Variants in LMOD3 observed in about 807,000 individuals in gnomAD.
LMOD3 encodes the protein leiomodin-3.
A neutral mutation model predicts 41.8 loss-of-function variants in LMOD3; 31 were observed. That is an observed-to-expected ratio of 0.74 (90% CI 0.56 to 1.00). LMOD3 has a LOEUF of 1.00. Among genes scored for constraint, LMOD3 ranks in the 50% least tolerant of loss-of-function variants. The pLI, the probability that LMOD3 is intolerant of heterozygous loss-of-function variation, is 0.00. For synonymous variants in LMOD3, 292 were observed against 241.9 expected (o/e 1.21, Z -1.92); for missense variants, 755 against 679.5 (o/e 1.11, Z -1.23).
intron 2 of LMOD3, among the ~76,000 whole-genome samples, chr3:69,116,423 T>C (rs940487865): frequency 2.6e-5 from 4 of 152,204 alleles, no homozygotes; most frequent in Non-Finnish European, 4.4e-5. Context: ...ATATGCAAGA[T>C]TGTCATTCAA....
chr3:69,117,356 C>T (rs1477314923), intron 2 of LMOD3, among the ~76,000 whole-genome samples: 1 of 151,950 alleles, frequency 6.6e-6, no homozygotes, highest in Non-Finnish European at 1.5e-5. Context: ...CTCTTTAAAG[C>T]AGAAAAAGAG....
At position 69,119,884 on chromosome 3, in the gene LMOD3, G is replaced by A. The variant is rs568706767; in HGVS notation, c.471C>T (p.Asp157=). Residue 157 remains aspartate, a synonymous_variant, in exon 2 of 3, where the codon GAC becomes GAT. Coordinates refer to ENST00000420581, the MANE Select transcript of LMOD3 (RefSeq NM_198271.5). ...DEEEEDDDDD[D]EGEDDGEESE... ...TCTCTTCACCATCATCTTCTCCTTC[G>A]TCGTCATCATCATCATCTTCTTCTT... is the stretch of plus-strand genomic sequence containing the variant. 20 of 1,548,382 alleles carry A rather than the reference G, an allele frequency of 1.3e-5. No individual in the cohort carries two copies. Among genetic ancestry groups the A allele is most frequent in the East Asian group, 1.2e-4 (5 of 41,270 alleles).
At chr3:69,110,896 CA>C (rs1022018094) in intron 2 of LMOD3, among the ~76,000 whole-genome samples, 7 of 129,836 alleles carry the variant, frequency 5.4e-5, no homozygotes, top group African/African-American at 9.0e-5. Flanking sequence ...TCCCCCAAGA[CA>C]AAAAAAAATT....
chr3:69,115,066 C>T (rs2092365325), intron 2 of LMOD3, among the ~76,000 whole-genome samples: 1 of 152,144 alleles, frequency 6.6e-6, no homozygotes, highest in South Asian at 2.1e-4. Context: ...CAGGATCTCA[C>T]TTTGTTTTGT....
chr3:69,112,397 C>T (rs1390551027), intron 2 of LMOD3, among the ~76,000 whole-genome samples: 1 of 152,220 alleles, frequency 6.6e-6, no homozygotes, highest in Non-Finnish European at 1.5e-5. Context: ...CTTTGAAGAA[C>T]TCAGAATCCT....
rs773731706 is a variant in LMOD3, at chr3:69,119,403, C to A, written c.952G>T (p.Glu318Ter). 8 of 1,613,948 alleles carry A rather than the reference C, an allele frequency of 5.0e-6. No individual in the cohort carries two copies. The highest frequency in any genetic ancestry group is 6.8e-6 in the Non-Finnish European group (8 of 1,179,890). Residue 318 changes from glutamate (E) to a stop codon, truncating the protein, a stop_gained, in exon 2 of 3, where the codon GAG becomes TAG. Transcript: ENST00000420581. LOFTEE classifies it high-confidence loss of function. The part of the protein sequence containing the change: ...ENRSITTLNI[E>*]SNFITGKGIV... ...CCTTTACCTGTGATGAAATTGGACT[C>A]GATGTTGAGAGTGGTGATGCTTCTA...
At chr3:69,112,205 G>A (rs529517570) in intron 2 of LMOD3, among the ~76,000 whole-genome samples, 1 of 151,586 alleles carries the variant, frequency 6.6e-6, no homozygotes, top group Admixed American at 6.6e-5. Flanking sequence ...TAGTGTGCTT[G>A]TGTGTGTGTG....
intron 2 of LMOD3, among the ~76,000 whole-genome samples, chr3:69,112,275 G>A (rs541557160): frequency 4.6e-5 from 7 of 152,284 alleles, no homozygotes; most frequent in African/African-American, 7.2e-5. Flanking sequence ...GAGGCAGAGC[G>A]GGTGGGAAAG....
At chr3:69,118,676 C>T in intron 2 of LMOD3, 23 bp downstream of exon 2, 1 of 1,596,472 alleles carries the variant, frequency 6.3e-7, no homozygotes. Flanking sequence ...GCTCAGTCAC[C>T]ATTTCTCCCT....
rs376837225 is a variant in LMOD3 at position 69,116,755 on chromosome 3, G to C, written c.1656+1944C>G. On this transcript the variant is annotated intron_variant, in intron 2 of 2. Coordinates refer to ENST00000420581, the MANE Select transcript of LMOD3 (RefSeq NM_198271.5). ...ACTATATCCCCAATCCTTCTCATCT[G>C]CCTGACATATATATTTGTTAGATTA... Among the ~76,000 whole-genome samples, 58 of 152,194 alleles carry C rather than the reference G, an allele frequency of 3.8e-4. No individual in the cohort carries two copies. In the East Asian group the frequency reaches 7.2e-3, roughly 19 times the overall value.
At chr3:69,113,841 T>G (rs2092359919) in intron 2 of LMOD3, among the ~76,000 whole-genome samples, 1 of 152,206 alleles carries the variant, frequency 6.6e-6, no homozygotes, top group African/African-American at 2.4e-5. Context: ...CACAAGATTT[T>G]TGAAGATGAA....
rs752238157 is a variant in LMOD3 at position 69,119,887 on chromosome 3, G to GTCA, written c.465_467dup (p.Asp157dup). On this transcript the variant is annotated inframe_insertion, in exon 2 of 3. Transcript: ENST00000420581. ...CTTCACCATCATCTTCTCCTTCGTC[G>GTCA]TCATCATCATCATCTTCTTCTTCTT... is the stretch of plus-strand genomic sequence containing the variant. The GTCA allele has an allele frequency of 6.5e-6, 10 of 1,546,358 alleles. No homozygotes were observed. The highest frequency in any genetic ancestry group is 2.7e-5 in the African/African-American group (2 of 72,874).
intron 2 of LMOD3, among the ~76,000 whole-genome samples, chr3:69,112,592 C>G (rs2092354930): frequency 6.6e-6 from 1 of 152,100 alleles, no homozygotes; most frequent in South Asian, 2.1e-4. Flanking sequence ...TAGATTCTAA[C>G]AGAGATAGAA....
At chr3:69,111,145 C>T (rs1028484581) in intron 2 of LMOD3, among the ~76,000 whole-genome samples, 2 of 152,078 alleles carry the variant, frequency 1.3e-5, no homozygotes, top group Admixed American at 1.3e-4. Flanking sequence ...TGCTAATGTC[C>T]ACCTGCCAGT....
chr3:69,122,254 CAG>C lies in LMOD3; in HGVS notation c.131_132del (p.Pro44ArgfsTer15), dbSNP rs1300427865. ...ATCATTCCCACGGGAAGGCTGGGGT[CAG>C]GGGCCATGACTTCCATTTCCGACTG... Reference protein sequence around the residue: ...ELQSEMEVMAPDPSLPVGMIQ... With the variant: ...ELQSEMEVMAXDPSLPVGMIQ... On this transcript the variant is annotated frameshift_variant, in exon 1 of 3. Coordinates refer to ENST00000420581, the MANE Select transcript of LMOD3 (RefSeq NM_198271.5). LOFTEE classifies it high-confidence loss of function. 5.6e-6 allele frequency: 9 copies of C among 1,613,512 alleles called. No homozygotes were observed. Among genetic ancestry groups the C allele is most frequent in the Non-Finnish European group, 7.6e-6 (9 of 1,179,786 alleles).
Position 69,119,212 on chromosome 3 carries a change from A to C in LMOD3, c.1143T>G (p.Gly381=), listed in dbSNP as rs770422369. Residue 381 remains glycine (G), a synonymous_variant, in exon 2 of 3, where the codon GGT becomes GGG. Transcript: ENST00000420581. The part of the protein sequence containing the change: ...LKMGYHFELP[G]PRMVVTNLLT... ...GCAGATTAGTGACCACCATTCTGGG[A>C]CCCGGAAGCTCAAAATGGTAGCCCA... The C allele has an allele frequency of 1.9e-6, 3 of 1,613,838 alleles. No individual in the cohort carries two copies. The East Asian group carries it at 6.7e-5, about 36-fold the overall frequency.
chr3:69,111,538 T>G (rs1201326681), intron 2 of LMOD3, among the ~76,000 whole-genome samples: 1 of 152,264 alleles, frequency 6.6e-6, no homozygotes, highest in Non-Finnish European at 1.5e-5. Flanking sequence ...TGTTTATATA[T>G]GCATGGAAGA....
At chr3:69,116,456 G>C (rs899051037) in intron 2 of LMOD3, among the ~76,000 whole-genome samples, 3 of 152,176 alleles carry the variant, frequency 2.0e-5, no homozygotes, top group African/African-American at 7.2e-5. Flanking sequence ...AGTTCACTTT[G>C]CGGCATGTTT....
chr3:69,121,812 G>A (rs188027870), intron 1 of LMOD3, among the ~76,000 whole-genome samples: 5 of 152,318 alleles, frequency 3.3e-5, no homozygotes, highest in East Asian at 1.9e-4. Context: ...AAGTCACTAA[G>A]TATCGTGGCA....
Sources: allele counts gnomAD v4.1 joint callset (sites outside exome capture counted in the v4.1 genomes callset), GRCh38; gene constraint gnomAD v4.1.1; transcripts MANE v1.5; gene names NCBI Gene and HGNC (gene_info 2026-07-23, HGNC 2026-07-21).